Variants in POC1B observed in about 807,000 individuals in gnomAD.
The protein encoded by POC1B is POC1 centriolar protein homolog B.
POC1B carries 44 observed loss-of-function variants against 60.6 expected under a neutral mutation model. The observed-to-expected ratio is 0.73, with a 90% CI of 0.57 to 0.93. The LOEUF is 0.93. Ranked by LOEUF, POC1B falls within the 40% of genes least tolerant of loss-of-function variation. The probability of loss-of-function intolerance (pLI) is 0.00; values close to 1 mark genes in which losing one functional copy is unlikely to be tolerated. For missense variants in POC1B, 555 were observed against 572.3 expected, an observed-to-expected ratio of 0.97 and a Z score of 0.31; for synonymous variants, 180 against 198.9, an observed-to-expected ratio of 0.90 and a Z score of 0.80.
intron 2 of POC1B, among the ~76,000 whole-genome samples, chr12:89,511,006 C>T (rs1260985339): frequency 2.0e-5 from 3 of 151,910 alleles, no homozygotes; most frequent in Admixed American, 1.3e-4. Context: ...CTGCCTACTT[C>T]GGCCCCCCAA....
chr12:89,439,863 G>A (rs1240345708), intron 10 of POC1B, among the ~76,000 whole-genome samples: 2 of 152,000 alleles, frequency 1.3e-5, no homozygotes, highest in African/African-American at 2.4e-5. Flanking sequence ...CCTCAGCCTC[G>A]CAAAGTGCTG....
chr12:89,502,378 G>A (rs1453432417), intron 2 of POC1B: 8 of 1,592,426 alleles, frequency 5.0e-6, no homozygotes, highest in Middle Eastern at 1.7e-4. Flanking sequence ...ACAGCAAATA[G>A]ATTATCAAGG....
At chr12:89,450,690 T>C (rs1215646273) in intron 10 of POC1B, among the ~76,000 whole-genome samples, 2 of 152,222 alleles carry the variant, frequency 1.3e-5, no homozygotes, top group South Asian at 2.1e-4. Context: ...CTTATTAAGC[T>C]GTTTTAAGGC....
chr12:89,485,653 A>G (rs1240445496), intron 4 of POC1B, among the ~76,000 whole-genome samples: 1 of 152,224 alleles, frequency 6.6e-6, no homozygotes, highest in Non-Finnish European at 1.5e-5. Flanking sequence ...ACAAGAGTCA[A>G]CCAAAATGGA....
At chr12:89,523,327 T>C in intron 2 of POC1B, 2 of 1,614,064 alleles carry the variant, frequency 1.2e-6, no homozygotes, top group Non-Finnish European at 1.7e-6. Flanking sequence ...TTCAGAAATA[T>C]CACCATAAGC....
intron 10 of POC1B, among the ~76,000 whole-genome samples, chr12:89,449,744 T>G (rs1464475229): frequency 6.6e-6 from 1 of 152,176 alleles, no homozygotes; most frequent in Admixed American, 6.5e-5. Flanking sequence ...TATAATATTT[T>G]AAAGAAATAT....
At chr12:89,506,449 G>A (rs1290033778) in intron 2 of POC1B, among the ~76,000 whole-genome samples, 1 of 152,178 alleles carries the variant, frequency 6.6e-6, no homozygotes, top group African/African-American at 2.4e-5. Flanking sequence ...GATCACTGAG[G>A]AAATCAGTAC....
chr12:89,476,795 T>A (rs904710542), intron 4 of POC1B, among the ~76,000 whole-genome samples: 2 of 150,852 alleles, frequency 1.3e-5, no homozygotes, highest in African/African-American at 4.9e-5. Flanking sequence ...TATAAAAAAT[T>A]CAAATTTTCC....
At chr12:89,458,353 A>G (rs1882341744) in intron 10 of POC1B, among the ~76,000 whole-genome samples, 2 of 152,202 alleles carry the variant, frequency 1.3e-5, no homozygotes, top group East Asian at 3.8e-4. Flanking sequence ...ACATCCCATT[A>G]ATTTTTAATT....
At chr12:89,451,690 T>TA (rs1335959300) in intron 10 of POC1B, among the ~76,000 whole-genome samples, 1 of 152,214 alleles carries the variant, frequency 6.6e-6, no homozygotes, top group Admixed American at 6.5e-5. Context: ...TTACATAGTG[T>TA]GACAGCATAA....
At chr12:89,512,725 A>G (rs1870247421) in intron 2 of POC1B, among the ~76,000 whole-genome samples, 1 of 152,164 alleles carries the variant, frequency 6.6e-6, no homozygotes, top group Non-Finnish European at 1.5e-5. Context: ...GCATCACTGT[A>G]CTCCAGACTA....
chr12:89,502,256 C>A (rs544967479), intron 2 of POC1B: 20 of 1,469,798 alleles, frequency 1.4e-5, no homozygotes, highest in South Asian at 1.0e-4. Flanking sequence ...TCAAAACGAA[C>A]TAAAGTGATA....
chr12:89,429,788 T>C (rs1345147005), intron 10 of POC1B, among the ~76,000 whole-genome samples: 1 of 152,152 alleles, frequency 6.6e-6, no homozygotes, highest in East Asian at 1.9e-4. Flanking sequence ...ATTGCAAGAC[T>C]GCAGAAAAAA....
At chr12:89,401,764 T>G in the POC1B span, among the ~76,000 whole-genome samples, 2 of 152,242 alleles carry the variant, frequency 1.3e-5, no homozygotes, top group African/African-American at 4.8e-5. Context: ...CAATGTGTCA[T>G]TATGACACTT....
intron 2 of POC1B, chr12:89,502,335 A>C (rs1317876541): frequency 1.9e-6 from 3 of 1,611,956 alleles, no homozygotes; most frequent in Non-Finnish European, 2.5e-6. Context: ...GGACCAAGAG[A>C]ACACGTTTGA....
At chr12:89,487,116 G>A (rs1183464915) in intron 4 of POC1B, among the ~76,000 whole-genome samples, 2 of 152,100 alleles carry the variant, frequency 1.3e-5, no homozygotes, top group African/African-American at 4.8e-5. Flanking sequence ...GCTTAAATAA[G>A]CCTAAACACT....
At chr12:89,523,999 G>A (rs753104225) in intron 2 of POC1B, 4 of 1,613,784 alleles carry the variant, frequency 2.5e-6, no homozygotes, top group East Asian at 4.5e-5. Flanking sequence ...TTCAAGTTGT[G>A]TCTTCAAATA....
At chr12:89,473,666 G>GAAAAAAAA (rs1163868772) in intron 4 of POC1B, among the ~76,000 whole-genome samples, 4 of 109,152 alleles carry the variant, frequency 3.7e-5, no homozygotes, top group Non-Finnish European at 7.0e-5. Context: ...CCTCAGAAAA[G>GAAAAAAAA]AAAAAAAAAA....
chr12:89,524,187 C>T (rs1171059479), intron 2 of POC1B: 9 of 1,613,994 alleles, frequency 5.6e-6, no homozygotes, highest in Non-Finnish European at 7.6e-6. Context: ...TACACTCATA[C>T]ATTCTTTTAT....
Sources: allele counts gnomAD v4.1 joint callset (sites outside exome capture counted in the v4.1 genomes callset), GRCh38; gene constraint gnomAD v4.1.1; transcripts MANE v1.5; gene names NCBI Gene and HGNC (gene_info 2026-07-23, HGNC 2026-07-21).